Variants in MLLT10 observed in about 807,000 individuals in gnomAD.
MLLT10 encodes the protein protein AF-10.
MLLT10 carries 30 observed loss-of-function variants against 129.1 expected under a neutral mutation model. The ratio of observed to expected loss-of-function variants is 0.23; its 90% confidence interval spans 0.17 to 0.32. The LOEUF (loss-of-function observed/expected upper bound fraction) is 0.32. Ranked by LOEUF, MLLT10 falls within the 10% of genes least tolerant of loss-of-function variation. The pLI is 1.00. For synonymous variants in MLLT10, 490 were observed against 446.4 expected (o/e 1.10, Z -1.23); for missense variants, 1,119 against 1,268.3 (o/e 0.88, Z 1.79).
chr10:21,583,234 T>A (rs2041653634), intron 3 of MLLT10, among the ~76,000 whole-genome samples: 2 of 152,312 alleles, frequency 1.3e-5, no homozygotes, highest in South Asian at 4.1e-4. Context: ...TGAGGACAGA[T>A]ACAAATAGAT....
intron 9 of MLLT10, among the ~76,000 whole-genome samples, chr10:21,654,452 CG>C (rs987689696): frequency 5.3e-5 from 8 of 151,980 alleles, no homozygotes; most frequent in Non-Finnish European, 7.4e-5. Flanking sequence ...TAAATCCAGA[CG>C]TTTTTTGGTA....
At chr10:21,630,888 G>T (rs1224497914) in intron 8 of MLLT10, among the ~76,000 whole-genome samples, 1 of 152,190 alleles carries the variant, frequency 6.6e-6, no homozygotes, top group Non-Finnish European at 1.5e-5. Context: ...AATATTTGAG[G>T]ACTGTGCGAG....
intron 5 of MLLT10, among the ~76,000 whole-genome samples, chr10:21,611,789 G>T (rs2044681502): frequency 6.6e-6 from 1 of 152,152 alleles, no homozygotes; most frequent in Admixed American, 6.5e-5. Context: ...ATCTTCTTCT[G>T]TAGCCCACAT....
At chr10:21,567,191 C>T (rs2039683477) in intron 3 of MLLT10, among the ~76,000 whole-genome samples, 3 of 152,168 alleles carry the variant, frequency 2.0e-5, no homozygotes, top group Non-Finnish European at 4.4e-5. Context: ...TATGCACTTA[C>T]TTAAACAACT....
intron 5 of MLLT10, among the ~76,000 whole-genome samples, chr10:21,603,323 T>G (rs2043747479): frequency 6.6e-6 from 1 of 151,304 alleles, no homozygotes; most frequent in African/African-American, 2.4e-5. Context: ...CACCTTAGCC[T>G]CTGAAAGTGC....
At chr10:21,581,229 A>G (rs2041418173) in intron 3 of MLLT10, among the ~76,000 whole-genome samples, 1 of 151,052 alleles carries the variant, frequency 6.6e-6, no homozygotes, top group Admixed American at 6.6e-5. Context: ...TTGTACTTTT[A>G]GTAGAGACGG....
intron 8 of MLLT10, among the ~76,000 whole-genome samples, chr10:21,638,552 T>G (rs1391290452): frequency 6.6e-6 from 1 of 152,066 alleles, no homozygotes; most frequent in Non-Finnish European, 1.5e-5. Flanking sequence ...TAAAAACTTG[T>G]GTTTTCTGGC....
intron 13 of MLLT10, among the ~76,000 whole-genome samples, chr10:21,707,028 C>T (rs560774163): frequency 1.3e-5 from 2 of 152,046 alleles, no homozygotes; most frequent in South Asian, 4.2e-4. Context: ...TGTTGGAGAG[C>T]CTCAACATGT....
intron 3 of MLLT10, among the ~76,000 whole-genome samples, chr10:21,554,893 C>T (rs1488587489): frequency 6.6e-6 from 1 of 151,462 alleles, no homozygotes; most frequent in East Asian, 1.9e-4. Flanking sequence ...GCGATCTTGG[C>T]TCACTGCAAC....
intron 3 of MLLT10, among the ~76,000 whole-genome samples, chr10:21,577,330 G>T (rs543514679): frequency 2.0e-5 from 3 of 151,982 alleles, no homozygotes; most frequent in Non-Finnish European, 4.4e-5. Context: ...ATGAACATTT[G>T]TCTGCAAATC....
chr10:21,548,375 TC>T (rs2036441639), intron 3 of MLLT10, among the ~76,000 whole-genome samples: 1 of 151,490 alleles, frequency 6.6e-6, no homozygotes, highest in African/African-American at 2.4e-5. Context: ...TTCTATCTTA[TC>T]TTTTTTTTTT....
In MLLT10 at chr10:21,612,078, G is replaced by A. The variant is rs2044714688; in HGVS notation, c.406-270G>A. 2.0e-5 allele frequency among the ~76,000 whole-genome samples: 3 copies of A among 152,260 alleles called. No individual in the cohort carries two copies. In the South Asian group the frequency reaches 6.2e-4, roughly 32 times the overall value. On this transcript the variant is annotated intron_variant, in intron 5 of 22. Coordinates refer to ENST00000307729, the MANE Select transcript of MLLT10 (RefSeq NM_001195626.3). ...TCCTGGCCCGCCAGCCTCAGTGCCT[G>A]GGAAGAGTCTTCCTGTCTTGCAAAG...
chr10:21,551,699 A>T lies in MLLT10; in HGVS notation c.240+12787A>T, dbSNP rs188678747. 2.8e-5 allele frequency: 9 copies of T among 316,866 alleles called. 1 individual carries two copies. In the Admixed American group the frequency reaches 3.7e-4, roughly 13 times the overall value. 19.6% of individuals were successfully genotyped at this position (316,866 alleles called of 1,614,324 possible). Reference sequence around the variant, plus strand: ...GTAAGAGAATTGAAAACATAGATGTACTTTGATAAATTGCCTAGCATATGG... The same window carrying T: ...GTAAGAGAATTGAAAACATAGATGTTCTTTGATAAATTGCCTAGCATATGG... On this transcript the variant is annotated intron_variant, in intron 3 of 22. Coordinates refer to ENST00000307729, the MANE Select transcript of MLLT10 (RefSeq NM_001195626.3).
intron 3 of MLLT10, among the ~76,000 whole-genome samples, chr10:21,570,913 C>T (rs1258052304): frequency 6.6e-6 from 1 of 152,002 alleles, no homozygotes; most frequent in Non-Finnish European, 1.5e-5. Context: ...GTGAATTTTA[C>T]CTTGTTTTCT....
rs766505292 is a variant in MLLT10 at position 21,734,021 on chromosome 10, A to G, written c.2750A>G (p.Asn917Ser). 11 of 1,614,190 alleles carry G rather than the reference A, an allele frequency of 6.8e-6. No homozygotes were observed. The highest frequency in any genetic ancestry group is 1.1e-5 in the South Asian group (1 of 91,082). ...LAINGIVGAL[N>S]GVMQTPVTMS... ...ATTAATGGCATTGTAGGAGCTTTAA[A>G]TGGGGTTATGCAGACTCCTGTCACA... The change falls in exon 20 of 23, where the codon AAT becomes AGT. Residue 917 changes from asparagine (N) to serine (S), a missense_variant. Coordinates refer to ENST00000307729, the MANE Select transcript of MLLT10 (RefSeq NM_001195626.3).
chr10:21,680,384 T>C (rs2131400220), intron 11 of MLLT10, among the ~76,000 whole-genome samples: 1 of 152,044 alleles, frequency 6.6e-6, no homozygotes, highest in Admixed American at 6.5e-5. Flanking sequence ...TTTTGTATTT[T>C]TAGTAGAGAC....
chr10:21,549,678 T>TC (rs2130941403), intron 3 of MLLT10, among the ~76,000 whole-genome samples: 1 of 151,038 alleles, frequency 6.6e-6, no homozygotes, highest in African/African-American at 2.4e-5. Flanking sequence ...TTTTTTTTTT[T>TC]TGAGAGAGTG....
rs576777484 is a variant in MLLT10, at chr10:21,685,361, G to A, written c.1699+3104G>A. 5.3e-5 allele frequency among the ~76,000 whole-genome samples: 8 copies of A among 152,306 alleles called. No homozygotes were observed. In the South Asian group the frequency reaches 1.7e-3, roughly 32 times the overall value. Reference sequence around the variant, plus strand: ...TGATTATTATTATTTTTGAGATGGAGTCTCACTCTGTTGCACAGGCTGGAA... The same window carrying A: ...TGATTATTATTATTTTTGAGATGGAATCTCACTCTGTTGCACAGGCTGGAA... On this transcript the variant is annotated intron_variant, in intron 13 of 22. Coordinates refer to ENST00000307729, the MANE Select transcript of MLLT10 (RefSeq NM_001195626.3).
intron 13 of MLLT10, among the ~76,000 whole-genome samples, chr10:21,699,838 A>G (rs1001193896): frequency 6.6e-6 from 1 of 152,186 alleles, no homozygotes; most frequent in African/African-American, 2.4e-5. Context: ...TCTTTTGCTC[A>G]GGATTACTTC....
Sources: allele counts gnomAD v4.1 joint callset (sites outside exome capture counted in the v4.1 genomes callset), GRCh38; gene constraint gnomAD v4.1.1; transcripts MANE v1.5; gene names NCBI Gene and HGNC (gene_info 2026-07-23, HGNC 2026-07-21).